Variants in IGF2R observed in about 807,000 individuals in gnomAD.
The protein encoded by IGF2R is insulin like growth factor 2 receptor.
A neutral mutation model predicts 270.6 loss-of-function variants in IGF2R; 91 were observed. The observed-to-expected ratio is 0.34, with a 90% confidence interval of 0.28 to 0.40. The LOEUF is 0.40. Ranked by LOEUF, IGF2R falls within the 10% of genes least tolerant of loss-of-function variation. The pLI is 1.00. For synonymous variants in IGF2R, 1,316 were observed against 1,258.9 expected (o/e 1.05, Z -0.96); for missense variants, 2,805 against 3,188.3 (o/e 0.88, Z 2.90).
chr6:159,975,684 T>TTTTATA (rs372803317), intron 1 of IGF2R, among the ~76,000 whole-genome samples: 2,252 of 141,710 alleles, frequency 0.016, 67 homozygotes, highest in African/African-American at 0.056. Context: ...TTATATATAT[T>TTTTATA]TATATATATA....
At chr6:160,068,065 GGTGTGTGTGTGTGTGTGTGT>G in intron 29 of IGF2R, among the ~76,000 whole-genome samples, 164 bp from the exon 30 acceptor site, 1 of 77,480 alleles carries the variant, frequency 1.3e-5, no homozygotes, top group East Asian at 2.6e-4. Context: ...TCTGATGGGG[GGTGTGTGTGTGTGTGTGTGT>G]GTGTGTGTGT....
intron 30 of IGF2R, 101 bp downstream of exon 30, chr6:160,068,486 T>A: frequency 6.6e-7 from 1 of 1,508,494 alleles, no homozygotes; most frequent in Non-Finnish European, 8.9e-7. Flanking sequence ...TTGTAGTGAG[T>A]GTATCACAGG....
chr6:159,997,983 A>T (rs528606115), intron 2 of IGF2R, among the ~76,000 whole-genome samples: 1 of 152,248 alleles, frequency 6.6e-6, no homozygotes, highest in East Asian at 1.9e-4. Context: ...CAGACTGAAA[A>T]ACCTGGTGAG....
At chr6:160,082,412 T>C (rs1434171657) in intron 39 of IGF2R, among the ~76,000 whole-genome samples, 1 of 151,862 alleles carries the variant, frequency 6.6e-6, no homozygotes, top group Non-Finnish European at 1.5e-5. Context: ...TGGTTTCAAG[T>C]GATACTCCTG....
chr6:160,089,117 G>C lies in IGF2R; in HGVS notation c.6331G>C (p.Asp2111His), dbSNP rs771890925. The C allele has an allele frequency of 1.9e-6, 3 of 1,612,978 alleles. No individual in the cohort carries two copies. In the South Asian group the frequency reaches 3.3e-5, roughly 18 times the overall value. Residue 2111 changes from aspartate to histidine, a missense_variant, in exon 43 of 48, where the codon GAC becomes CAC. Asp to His is a moderately conservative substitution (Grantham distance 81). Around this residue, in one of 2 missense-constraint regions of IGF2R, gnomAD observed 1,851 missense variants for 2,207.2 expected, o/e 0.84. Transcript: ENST00000356956. Reference protein sequence around the residue: ...GRPAFKRFDIDSCTYYFSWDS... With the variant: ...GRPAFKRFDIHSCTYYFSWDS... The stretch of plus-strand genomic sequence containing the variant: ...CTTCCCTCCTCCTAGGTTTGATATC[G>C]ACAGCTGCACTTACTACTTCAGCTG...
intron 34 of IGF2R, 25 bp from the exon 35 acceptor site, chr6:160,073,731 TC>T: frequency 6.3e-7 from 1 of 1,595,860 alleles, no homozygotes. Flanking sequence ...TTTTGTAGAC[TC>T]AAAGCAGTCT....
chr6:160,069,003 A>G (rs1778653764), intron 30 of IGF2R, among the ~76,000 whole-genome samples: 1 of 152,132 alleles, frequency 6.6e-6, no homozygotes, highest in African/African-American at 2.4e-5. Context: ...ATAGATAGAA[A>G]TAATAGCCAT....
intron 45 of IGF2R, among the ~76,000 whole-genome samples, chr6:160,099,474 C>G (rs939053767): frequency 4.6e-5 from 7 of 152,182 alleles, no homozygotes; most frequent in African/African-American, 1.7e-4. Context: ...TCACGCCATT[C>G]TCCTGCCTCA....
intron 3 of IGF2R, 33 bp downstream of exon 3, chr6:160,009,167 T>TAAAA: frequency 8.3e-7 from 1 of 1,210,350 alleles, no homozygotes; most frequent in Non-Finnish European, 1.1e-6. Context: ...TGTATTTCTT[T>TAAAA]AAAAAAAAAA....
chr6:160,104,094 AC>A (rs1779556902), intron 47 of IGF2R, among the ~76,000 whole-genome samples: 1 of 151,174 alleles, frequency 6.6e-6, no homozygotes, highest in Non-Finnish European at 1.5e-5. Context: ...AAAAAACAAA[AC>A]ACACACACAC....
At chr6:159,974,849 T>G (rs1173648108) in intron 1 of IGF2R, among the ~76,000 whole-genome samples, 3 of 152,226 alleles carry the variant, frequency 2.0e-5, no homozygotes, top group Admixed American at 6.5e-5. Flanking sequence ...TGTCTCTGCC[T>G]CTAGAAGTTT....
chr6:160,079,089 T>A lies in IGF2R; in HGVS notation c.5479-491T>A, dbSNP rs139282529. 5.0e-3 allele frequency among the ~76,000 whole-genome samples: 755 copies of A among 152,302 alleles called. 2 individuals carry two copies. Among genetic ancestry groups the A allele is most frequent in the African/African-American group, 0.015 (638 of 41,560 alleles). ...GCCCAGGTGTCAACACCCTGGCTCC[T>A]GTGATGGAGCCCTCTGCCTGGGTAC... On this transcript the variant is annotated intron_variant, in intron 37 of 47. Transcript: ENST00000356956.
chr6:160,012,894 T>C (rs1014070294), intron 4 of IGF2R, among the ~76,000 whole-genome samples: 1 of 151,812 alleles, frequency 6.6e-6, no homozygotes, highest in Non-Finnish European at 1.5e-5. Context: ...CCCAAAGTGC[T>C]GGGATTACAG....
chr6:160,073,567 C>G (rs1562368314), intron 34 of IGF2R, 98 bp downstream of exon 34: 1 of 1,386,894 alleles, frequency 7.2e-7, no homozygotes, highest in Admixed American at 1.9e-5. Flanking sequence ...AGATGCCCAG[C>G]TGAACTGTCC....
In IGF2R at chr6:160,034,513, A is replaced by G. The variant is rs780996151; in HGVS notation, c.1306A>G (p.Lys436Glu). The change falls in exon 10 of 48, where the codon AAA becomes GAA. Residue 436 changes from lysine (K) to glutamate (E), a missense_variant. This residue lies in a region of IGF2R where 954 missense variants were observed against 981.1 expected (regional missense o/e 0.97). Transcript: ENST00000356956. The stretch of plus-strand genomic sequence containing the variant: ...GAGCGTCATAAACTTTGAGTGCAAT[A>G]AAACCGCAGGTAAGTGTGCGCTGGA... ...RMSVINFECN[K>E]TAGNDGKGTP... 6.2e-7 allele frequency: 1 copy of G among 1,606,758 alleles called. No homozygotes were observed. The highest frequency in any genetic ancestry group is 1.7e-5 in the Admixed American group (1 of 59,986).
At position 160,079,473 on chromosome 6, in the gene IGF2R, C is replaced by A. The variant is rs1273780894; in HGVS notation, c.5479-107C>A. On this transcript the variant is annotated intron_variant, in intron 37 of 47. Transcript: ENST00000356956. Reference sequence around the variant, plus strand: ...TGATGCACACAGAGGAGTCTTTGCTCTTCCTCATGAACCTGCCTCCAGCAT... The same window carrying A: ...TGATGCACACAGAGGAGTCTTTGCTATTCCTCATGAACCTGCCTCCAGCAT... The A allele has an allele frequency of 1.1e-5, 8 of 761,692 alleles. No individual in the cohort carries two copies. In the South Asian group the frequency reaches 1.3e-4, roughly 13 times the overall value. The allele number at this position is 761,692 out of a possible 1,614,324, so 47.2% of individuals were successfully genotyped here. A position where few individuals can be genotyped will look rare whatever the true frequency, so the allele number is the denominator to read the frequency against.
rs79846366 is a variant in IGF2R at position 160,054,805 on chromosome 6, T to C, written c.2695-1619T>C. 4.0e-3 allele frequency among the ~76,000 whole-genome samples: 606 copies of C among 152,122 alleles called. 3 individuals carry two copies. Among genetic ancestry groups the C allele is most frequent in the African/African-American group, 0.013 (523 of 41,502 alleles). The stretch of plus-strand genomic sequence containing the variant: ...AGAAATTATCAAATGGTTAGGAGAG[T>C]GGAGAGACTGGAAGCCATGTTCATT... On this transcript the variant is annotated intron_variant, in intron 19 of 47. Transcript: ENST00000356956.
At chr6:160,007,492 T>A (rs1784262202) in intron 2 of IGF2R, 1 of 152,248 alleles carries the variant, frequency 6.6e-6, no homozygotes, top group South Asian at 2.1e-4. Flanking sequence ...AACATATTTA[T>A]TGATGTACAT....
chr6:160,006,287 G>A (rs1386546958), intron 2 of IGF2R: 3 of 154,130 alleles, frequency 1.9e-5, no homozygotes, highest in Non-Finnish European at 4.3e-5. Context: ...CGCCTTCCGC[G>A]TCTCCAGCCC....
Sources: gnomAD v4.1 joint callset for allele counts (sites outside exome capture counted in the v4.1 genomes callset) on GRCh38, gnomAD v4.1.1 for gene constraint, gnomAD v4.1.1 regional missense constraint, MANE v1.5 for transcripts, NCBI Gene and HGNC (gene_info 2026-07-23, HGNC 2026-07-21) for gene names.